The following ADAMTS10 variants were observed in gnomAD, a reference collection of about 807,000 sequenced individuals.
ADAMTS10 encodes A disintegrin and metalloproteinase with thrombospondin motifs 10.
ADAMTS10 carries 48 observed loss-of-function variants against 135.9 expected under a neutral mutation model. The ratio of observed to expected loss-of-function variants is 0.35; its 90% CI spans 0.28 to 0.45. The LOEUF is 0.45. ADAMTS10 is among the 20% of genes least tolerant of loss of function. The pLI is 1.00. For synonymous variants in ADAMTS10, 621 were observed against 647.5 expected, an observed-to-expected ratio of 0.96 and a Z score of 0.62; for missense variants, 1,131 against 1,565.2, an observed-to-expected ratio of 0.72 and a Z score of 4.68.
At chr19:8,595,115 G>T (rs1233572873) in intron 12 of ADAMTS10, among the ~76,000 whole-genome samples, 1 of 152,142 alleles carries the variant, frequency 6.6e-6, no homozygotes, top group African/African-American at 2.4e-5. Flanking sequence ...TGCATTTAGG[G>T]AATCGAGGCA....
At position 8,605,564 on chromosome 19, in the gene ADAMTS10, C is replaced by T; in HGVS notation, c.88+59G>A. 1 of 1,578,120 alleles carries T rather than the reference C, an allele frequency of 6.3e-7. No individual in the cohort carries two copies. The highest frequency in any genetic ancestry group is 8.6e-7 in the Non-Finnish European group (1 of 1,162,332). On this transcript the variant is annotated intron_variant, in intron 3 of 25. Coordinates refer to ENST00000597188, the MANE Select transcript of ADAMTS10 (RefSeq NM_030957.4). This position sits in a 1 kb window ranked among gnomAD's most constrained non-coding sequence, Gnocchi z 7.7. ...CCCTGATGCCTCTTTCTGTTGGAGC[C>T]CAACTGGTCTCTTACATTTTTCGCT...
chr19:8,601,048 G>A lies in ADAMTS10; in HGVS notation c.690C>T (p.Gly230=), dbSNP rs1568404910. 6.2e-7 allele frequency: 1 copy of A among 1,614,140 alleles called. No individual in the cohort carries two copies. The change falls in exon 6 of 26, where the codon GGC becomes GGT. Residue 230 remains glycine (G), a synonymous_variant. Coordinates refer to ENST00000597188, the MANE Select transcript of ADAMTS10 (RefSeq NM_030957.4). The surrounding 1 kb of genome is among the most constrained non-coding windows in gnomAD (Gnocchi z 4.6). ...GCTCTCGGCTGACCGATCGCTTCAG[G>A]CCTGGCTGGCCACGCTCTGTTTCAT... ...LGNETERGQP[G]LKRSVSRERY... is the part of the protein sequence containing the mutation.
At position 8,589,441 on chromosome 19, in the gene ADAMTS10, G is replaced by A. The variant is rs116541830; in HGVS notation, c.2034+11C>T. 45 of 1,612,860 alleles carry A rather than the reference G, an allele frequency of 2.8e-5. No homozygotes were observed. Among genetic ancestry groups the A allele is most frequent in the East Asian group, 1.6e-4 (7 of 44,804 alleles). On this transcript the variant is annotated intron_variant, in intron 17 of 25. Coordinates refer to ENST00000597188, the MANE Select transcript of ADAMTS10 (RefSeq NM_030957.4). The stretch of plus-strand genomic sequence containing the variant: ...CCATCCCCTCTCCACCTCCCTGGGA[G>A]TCCCCTCCACCTTGCATTCGCCACT...
chr19:8,606,205 T>G (rs1297083564), intron 2 of ADAMTS10, among the ~76,000 whole-genome samples: 1 of 152,104 alleles, frequency 6.6e-6, no homozygotes, highest in African/African-American at 2.4e-5. Flanking sequence ...AGATTGCAGG[T>G]GCAAGCCACC....
chr19:8,580,882 C>CCG lies in ADAMTS10; in HGVS notation c.*9_*10dup. 1 of 1,591,016 alleles carries CCG rather than the reference C, an allele frequency of 6.3e-7. No individual in the cohort carries two copies. The highest frequency in any genetic ancestry group is 8.6e-7 in the Non-Finnish European group (1 of 1,168,322). ...ACCCCGCCAGCTGTGGCTCCGGGTG[C>CCG]CGCGCGCCCCCTAGTGGCCATGGCA... On this transcript the variant is annotated 3_prime_UTR_variant, in exon 26 of 26. Transcript: ENST00000597188.
At chr19:8,588,711 A>G (rs1419986432) in intron 18 of ADAMTS10, among the ~76,000 whole-genome samples, 1 of 152,232 alleles carries the variant, frequency 6.6e-6, no homozygotes, top group South Asian at 2.1e-4. Context: ...CAGAGGATGG[A>G]AAGTGATGCT....
intron 12 of ADAMTS10, chr19:8,593,235 T>C (rs2042564916): frequency 3.6e-6 from 1 of 281,392 alleles, no homozygotes; most frequent in South Asian, 4.2e-5. Context: ...CTAACGAACT[T>C]TGCAATTCAG....
chr19:8,592,767 T>A lies in ADAMTS10; in HGVS notation c.1583A>T (p.Lys528Met), dbSNP rs781844966. 2 of 1,611,402 alleles carry A rather than the reference T, an allele frequency of 1.2e-6. No homozygotes were observed. Among genetic ancestry groups the A allele is most frequent in the Non-Finnish European group, 1.7e-6 (2 of 1,179,734 alleles). ...GTLCQTHTID[K>M]GWCYKRVCVP... ...GGGGCCCTGGCCGGCGCTCACCCCC[T>A]TGTCGATGGTGTGCGTCTGGCACAG... The change falls in exon 13 of 26, where the codon AAG (lysine) becomes ATG (methionine). Residue 528 changes from lysine to methionine, a missense_variant. Physicochemically the swap from Lys to Met is moderately conservative, Grantham distance 95. Transcript: ENST00000597188.
rs1054859735 is a variant in ADAMTS10 at position 8,580,854 on chromosome 19, G to C, written c.*39C>G. Reference sequence around the variant, plus strand: ...CCGGCCCGCTGCAGGGCTGGCGGCGGAGACCCCGCCAGCTGTGGCTCCGGG... The same window carrying C: ...CCGGCCCGCTGCAGGGCTGGCGGCGCAGACCCCGCCAGCTGTGGCTCCGGG... On this transcript the variant is annotated 3_prime_UTR_variant, in exon 26 of 26. Coordinates refer to ENST00000597188, the MANE Select transcript of ADAMTS10 (RefSeq NM_030957.4). The C allele has an allele frequency of 1.2e-5, 18 of 1,517,086 alleles. No individual in the cohort carries two copies. In the East Asian group the frequency reaches 4.3e-4, roughly 36 times the overall value. The allele number at this position is 1,517,086 out of a possible 1,614,324, so 94.0% of individuals were successfully genotyped here.
intron 4 of ADAMTS10, among the ~76,000 whole-genome samples, chr19:8,604,752 C>A (rs998681916): frequency 1.3e-5 from 2 of 152,064 alleles, no homozygotes; most frequent in African/African-American, 4.8e-5. Context: ...TCCCAAAATG[C>A]CAGGACTACA....
At chr19:8,592,184 C>T in intron 13 of ADAMTS10, 81 bp from the exon 14 acceptor site, 24 of 1,442,922 alleles carry the variant, frequency 1.7e-5, no homozygotes, top group Non-Finnish European at 2.2e-5. Context: ...CACTCCAGGC[C>T]CCAGCCAGAG....
intron 12 of ADAMTS10, 57 bp downstream of exon 12, chr19:8,595,702 TCCC>T: frequency 2.2e-6 from 2 of 894,228 alleles, no homozygotes; most frequent in Non-Finnish European, 1.7e-6. Flanking sequence ...TGGAGTTCCC[TCCC>T]CCAGCCCCAG....
At position 8,608,223 on chromosome 19, in the gene ADAMTS10, G is replaced by A. The variant is rs1244097246; in HGVS notation, c.-189C>T. The A allele has an allele frequency of 6.5e-6, 1 of 152,686 alleles. No individual in the cohort carries two copies. Among genetic ancestry groups the A allele is most frequent in the Non-Finnish European group, 1.5e-5 (1 of 68,602 alleles). 9.5% of individuals were successfully genotyped at this position (152,686 alleles called of 1,614,324 possible). ...CCCTGCACCTGGGCCTCCCTCTCTG[G>A]GCCTTGGTTTCTTCTTCTTTGGAGC... On this transcript the variant is annotated 5_prime_UTR_variant, in exon 2 of 26. Coordinates refer to ENST00000597188, the MANE Select transcript of ADAMTS10 (RefSeq NM_030957.4).
At chr19:8,604,838 G>T in intron 4 of ADAMTS10, 174 bp downstream of exon 4, 1 of 724,800 alleles carries the variant, frequency 1.4e-6, no homozygotes, top group Non-Finnish European at 2.3e-6. Context: ...CTTACCTAAG[G>T]CTATACATTT....
At chr19:8,581,137 T>A in intron 25 of ADAMTS10, 135 bp from the exon 26 acceptor site, 1 of 188,486 alleles carries the variant, frequency 5.3e-6, no homozygotes, top group Non-Finnish European at 1.0e-5. Context: ...TTACTTTTTT[T>A]TTTTTTTTTT....
chr19:8,607,348 T>C (rs1015730960), intron 2 of ADAMTS10, among the ~76,000 whole-genome samples: 3 of 152,102 alleles, frequency 2.0e-5, no homozygotes, highest in African/African-American at 7.2e-5. Context: ...CTCCCAGGCC[T>C]CTCCTCCACC....
Position 8,592,846 on chromosome 19 carries a change from G to T in ADAMTS10, c.1504C>A (p.Leu502Met), listed in dbSNP as rs781939595. 1.2e-6 allele frequency: 2 copies of T among 1,612,644 alleles called. No individual in the cohort carries two copies. Among genetic ancestry groups the T allele is most frequent in the Admixed American group, 1.7e-5 (1 of 59,998 alleles). Residue 502 changes from leucine to methionine, a missense_variant, in exon 13 of 26, where the codon CTG becomes ATG. Leu to Met is a conservative substitution (Grantham distance 15). Around this residue, in one of 3 missense-constraint regions of ADAMTS10, gnomAD observed 745 missense variants for 1,056.3 expected, o/e 0.71. Coordinates refer to ENST00000597188, the MANE Select transcript of ADAMTS10 (RefSeq NM_030957.4). ...YGEVCSELWC[L>M]SKSNRCITNS... ...GTGATGCACCGGTTGCTCTTGCTCA[G>T]ACACCACAGCTCGCTGCAGACCTCC...
chr19:8,580,802 T>C lies in ADAMTS10; in HGVS notation c.*91A>G, dbSNP rs2042333627. 6 of 1,017,940 alleles carry C rather than the reference T, an allele frequency of 5.9e-6. No individual in the cohort carries two copies. Among genetic ancestry groups the C allele is most frequent in the Middle Eastern group, 5.9e-4 (2 of 3,418 alleles). The allele number at this position is 1,017,940 out of a possible 1,614,324, so 63.1% of individuals were successfully genotyped here. A position where few individuals can be genotyped will look rare whatever the true frequency, so the allele number is the denominator to read the frequency against. On this transcript the variant is annotated 3_prime_UTR_variant, in exon 26 of 26. Coordinates refer to ENST00000597188, the MANE Select transcript of ADAMTS10 (RefSeq NM_030957.4). ...GCTCCGTCTCACCCTTCCCTCCCAG[T>C]TCCCGCCCCCCCGGGGCCCCCTCTG...
intron 18 of ADAMTS10, among the ~76,000 whole-genome samples, chr19:8,587,333 C>A (rs370591537): frequency 7.7e-5 from 6 of 77,466 alleles, no homozygotes; most frequent in Admixed American, 4.0e-4. Context: ...ACTAAAAAAC[C>A]TTTTTTTTTT....
Sources: gnomAD v4.1 joint callset for allele counts (sites outside exome capture counted in the v4.1 genomes callset) on GRCh38, gnomAD v4.1.1 for gene constraint, gnomAD v4.1.1 regional missense constraint, Gnocchi (gnomAD v3.1) non-coding constraint, MANE v1.5 for transcripts, NCBI Gene and HGNC (gene_info 2026-07-23, HGNC 2026-07-21) for gene names.